The following INIP variants were observed in gnomAD, a reference collection of about 807,000 sequenced individuals.
The protein encoded by INIP is INTS3 and NABP interacting protein, also known as SOSS complex subunit C.
A neutral mutation model predicts 14.0 loss-of-function variants in INIP; 9 were observed. The observed-to-expected ratio is 0.64, with a 90% CI of 0.39 to 1.12. The LOEUF is 1.12. INIP is among the 50% of genes most tolerant of loss of function. The pLI is 0.01. For synonymous variants in INIP, 37 were observed against 41.5 expected, an observed-to-expected ratio of 0.89 and a Z score of 0.41; for missense variants, 78 against 122.7, an observed-to-expected ratio of 0.64 and a Z score of 1.72.
chr9:112,690,908 G>A (rs933314743), intron 3 of INIP, among the ~76,000 whole-genome samples: 1 of 152,146 alleles, frequency 6.6e-6, no homozygotes, highest in Admixed American at 6.5e-5. Context: ...TGACCCATGG[G>A]GTAAAGCAGA....
In INIP at chr9:112,685,841, G is replaced by A. The variant is rs769082735; in HGVS notation, c.*1697C>T. 9.2e-5 allele frequency: 14 copies of A among 152,118 alleles called. No homozygotes were observed. Among genetic ancestry groups the A allele is most frequent in the African/African-American group, 2.9e-4 (12 of 41,424 alleles). The allele number at this position is 152,118 out of a possible 1,614,324, so 9.4% of individuals were successfully genotyped here. A position where few individuals can be genotyped will look rare whatever the true frequency, so the allele number is the denominator to read the frequency against. On this transcript the variant is annotated 3_prime_UTR_variant, in exon 5 of 5. Coordinates refer to ENST00000374242, the MANE Select transcript of INIP (RefSeq NM_021218.3). The stretch of plus-strand genomic sequence containing the variant: ...GCGCCGCAGAAGTAAGGCTATCCTC[G>A]CTGCAATGGTGACCATTACAATGGG...
At chr9:112,694,048 C>A in intron 3 of INIP, 83 bp downstream of exon 3, 1 of 877,702 alleles carries the variant, frequency 1.1e-6, no homozygotes, top group Non-Finnish European at 1.8e-6. Flanking sequence ...GCACTCCAGC[C>A]TGGGGGACAG....
At chr9:112,705,910 G>A (rs538584503) in intron 2 of INIP, among the ~76,000 whole-genome samples, 5 of 152,154 alleles carry the variant, frequency 3.3e-5, no homozygotes, top group Non-Finnish European at 5.9e-5. Flanking sequence ...ATAGGCAATG[G>A]GGAGCTACTC....
intron 2 of INIP, among the ~76,000 whole-genome samples, chr9:112,713,802 C>T (rs1462016010): frequency 2.0e-5 from 3 of 152,072 alleles, no homozygotes; most frequent in Admixed American, 2.0e-4. Context: ...ACCAGACTGG[C>T]TAACATGGTG....
chr9:112,716,318 A>C (rs1001699478), intron 2 of INIP, 143 bp downstream of exon 2: 7 of 675,486 alleles, frequency 1.0e-5, no homozygotes, highest in Admixed American at 4.3e-5. Context: ...CTGGGATTAC[A>C]GGCGTGAGCC....
chr9:112,691,533 G>A (rs1276994798), intron 3 of INIP, among the ~76,000 whole-genome samples: 3 of 152,224 alleles, frequency 2.0e-5, no homozygotes, highest in East Asian at 1.9e-4. Context: ...ATAACAGCAT[G>A]TGGGAAAAGA....
intron 3 of INIP, among the ~76,000 whole-genome samples, chr9:112,690,780 C>T (rs1837858728): frequency 6.6e-6 from 1 of 152,218 alleles, no homozygotes; most frequent in South Asian, 2.1e-4. Flanking sequence ...AGAGTGTTCT[C>T]CTCACTCTTA....
intron 2 of INIP, among the ~76,000 whole-genome samples, chr9:112,715,179 C>CACACACAT (rs1838770934): frequency 7.5e-6 from 1 of 132,474 alleles, no homozygotes; most frequent in Non-Finnish European, 1.6e-5. Flanking sequence ...CACACACACA[C>CACACACAT]GGTTTAAAAG....
At position 112,687,472 on chromosome 9, in the gene INIP, G is replaced by C. The variant is rs761130344; in HGVS notation, c.*66C>G. ...AATTCTTAAAGTCACAGTTCATGTAGCACTGAATGATAGTAGCTTTGGCAT... is the reference window on the plus strand; with the variant it reads ...AATTCTTAAAGTCACAGTTCATGTACCACTGAATGATAGTAGCTTTGGCAT... On this transcript the variant is annotated 3_prime_UTR_variant, in exon 5 of 5. Coordinates refer to ENST00000374242, the MANE Select transcript of INIP (RefSeq NM_021218.3). 4 of 971,410 alleles carry C rather than the reference G, an allele frequency of 4.1e-6. No individual in the cohort carries two copies. Among genetic ancestry groups the C allele is most frequent in the South Asian group, 4.0e-5 (3 of 75,456 alleles). The allele number at this position is 971,410 out of a possible 1,614,324, so 60.2% of individuals were successfully genotyped here.
intron 2 of INIP, among the ~76,000 whole-genome samples, chr9:112,708,365 T>C (rs547428848): frequency 2.5e-4 from 38 of 152,058 alleles, no homozygotes; most frequent in African/African-American, 9.2e-4. Context: ...CAAGAGAAAA[T>C]AGTCAGGAAA....
At chr9:112,705,710 C>T (rs529918909) in intron 2 of INIP, among the ~76,000 whole-genome samples, 1 of 152,270 alleles carries the variant, frequency 6.6e-6, no homozygotes, top group East Asian at 1.9e-4. Context: ...GTATTTTTCT[C>T]CATGCCCCAA....
chr9:112,691,494 C>CATTA (rs1400062843), intron 3 of INIP, among the ~76,000 whole-genome samples: 2 of 152,164 alleles, frequency 1.3e-5, no homozygotes, highest in Admixed American at 1.3e-4. Flanking sequence ...CAGACTAGAG[C>CATTA]TGCAAATGCG....
intron 3 of INIP, among the ~76,000 whole-genome samples, chr9:112,693,126 T>C (rs1837953196): frequency 6.6e-6 from 1 of 152,124 alleles, no homozygotes; most frequent in African/African-American, 2.4e-5. Flanking sequence ...AAACAGTTTG[T>C]TAAAAGTCTG....
At chr9:112,700,238 G>C (rs971437900) in intron 2 of INIP, among the ~76,000 whole-genome samples, 2 of 152,080 alleles carry the variant, frequency 1.3e-5, no homozygotes, top group African/African-American at 4.8e-5. Context: ...ACTTTGCAAA[G>C]ATATGATGTC....
intron 2 of INIP, chr9:112,701,710 T>C (rs1838305125): frequency 6.6e-6 from 1 of 152,126 alleles, no homozygotes; most frequent in African/African-American, 2.4e-5. Flanking sequence ...TACTACATTT[T>C]TAGAAGATAA....
At chr9:112,712,811 G>A (rs1280316085) in intron 2 of INIP, among the ~76,000 whole-genome samples, 6 of 152,178 alleles carry the variant, frequency 3.9e-5, no homozygotes, top group African/African-American at 1.4e-4. Flanking sequence ...GAGCCTTGGA[G>A]TATTTGAATA....
chr9:112,716,936 C>T (rs1203554944), intron 1 of INIP, among the ~76,000 whole-genome samples: 1 of 141,540 alleles, frequency 7.1e-6, no homozygotes, highest in Non-Finnish European at 1.5e-5. Context: ...GTTTGGGCCA[C>T]AGAGCGAGAC....
Position 112,685,603 on chromosome 9 carries a change from A to G in INIP, c.*1935T>C, listed in dbSNP as rs1462105091. On this transcript the variant is annotated 3_prime_UTR_variant, in exon 5 of 5. Coordinates refer to ENST00000374242, the MANE Select transcript of INIP (RefSeq NM_021218.3). The stretch of plus-strand genomic sequence containing the variant: ...TCTTTACCTGAGCTACAAAAGTCAT[A>G]CATTAGGTAGAGGCTTCAATAGTGT... The G allele has an allele frequency of 2.0e-5, 3 of 152,244 alleles. No homozygotes were observed. Among genetic ancestry groups the G allele is most frequent in the African/African-American group, 7.2e-5 (3 of 41,468 alleles). 9.4% of individuals were successfully genotyped at this position (152,244 alleles called of 1,614,324 possible).
Position 112,689,520 on chromosome 9 carries a change from T to TGACATTCACCTGCAAA in INIP, c.219+6_219+7insTTTGCAGGTGAATGTC. 5.6e-6 allele frequency: 9 copies of TGACATTCACCTGCAAA among 1,613,154 alleles called. No homozygotes were observed. The highest frequency in any genetic ancestry group is 6.8e-6 in the Non-Finnish European group (8 of 1,179,090). On this transcript the variant is annotated splice_region_variant and intron_variant, in intron 4 of 4. Transcript: ENST00000374242. ...ACCGAGGCAAGAATGTCAGTTACACTGCTCACCTGCAAAGCTGCCTTCTGT... is the reference window on the plus strand; with the variant it reads ...ACCGAGGCAAGAATGTCAGTTACACTGACATTCACCTGCAAAGCTCACCTGCAAAGCTGCCTTCTGT...
Sources: allele counts gnomAD v4.1 joint callset (sites outside exome capture counted in the v4.1 genomes callset), GRCh38; gene constraint gnomAD v4.1.1; transcripts MANE v1.5; gene names NCBI Gene and HGNC (gene_info 2026-07-23, HGNC 2026-07-21).